Variants in EPB41L2 observed in about 807,000 individuals in gnomAD.
EPB41L2 encodes the protein erythrocyte membrane protein band 4.1 like 2.
Under a neutral mutation model 113.0 loss-of-function variants are expected in EPB41L2, and 43 were observed. The ratio of observed to expected loss-of-function variants is 0.38; its 90% CI spans 0.30 to 0.49. The LOEUF is 0.49. EPB41L2 is among the 20% of genes least tolerant of loss of function. The probability of loss-of-function intolerance (pLI) is 0.95; values close to 1 mark genes in which losing one functional copy is unlikely to be tolerated. For synonymous variants in EPB41L2, 442 were observed against 436.7 expected, an observed-to-expected ratio of 1.01 and a Z score of -0.15; for missense variants, 1,147 against 1,223.4, an observed-to-expected ratio of 0.94 and a Z score of 0.93.
intron 14 of EPB41L2, among the ~76,000 whole-genome samples, chr6:130,877,589 A>G (rs1787973330): frequency 6.6e-6 from 1 of 152,200 alleles, no homozygotes; most frequent in African/African-American, 2.4e-5. Flanking sequence ...ATTTCATTAT[A>G]AGGAAGTTTC....
chr6:130,957,455 G>C (rs1817810030), intron 1 of EPB41L2, among the ~76,000 whole-genome samples: 1 of 152,192 alleles, frequency 6.6e-6, no homozygotes, highest in Non-Finnish European at 1.5e-5. Flanking sequence ...AGTGCCCAGA[G>C]TCCTGGCACC....
At chr6:131,010,539 A>T (rs1201473213) in intron 1 of EPB41L2, among the ~76,000 whole-genome samples, 1 of 151,808 alleles carries the variant, frequency 6.6e-6, no homozygotes, top group South Asian at 2.1e-4. Context: ...CAGCCTCCCA[A>T]GTAGCTGGGA....
intron 4 of EPB41L2, among the ~76,000 whole-genome samples, chr6:130,921,524 G>A (rs548955813): frequency 2.0e-5 from 3 of 152,168 alleles, no homozygotes; most frequent in East Asian, 1.9e-4. Context: ...CCAGCCCTCC[G>A]GACAAACTTT....
At position 130,901,038 on chromosome 6, in the gene EPB41L2, G is replaced by A; in HGVS notation, c.1072C>T (p.Leu358Phe). 1 of 1,614,146 alleles carries A rather than the reference G, an allele frequency of 6.2e-7. No individual in the cohort carries two copies. Among genetic ancestry groups the A allele is most frequent in the South Asian group, 1.1e-5 (1 of 91,080 alleles). ...GTAGGGGCAAACTGGAATTCACTGA[G>A]GTCGATGCTGCCATGTTCTTCTGGG... ...YDPEEHGSID[L>F]SEFQFAPTQT... Residue 358 changes from leucine (L) to phenylalanine (F), a missense_variant, in exon 7 of 20, where the codon CTC becomes TTC. Physicochemically the swap from Leu to Phe is conservative, Grantham distance 22. Transcript: ENST00000337057.
chr6:130,966,758 T>C (rs1775312392), intron 1 of EPB41L2, among the ~76,000 whole-genome samples: 1 of 152,190 alleles, frequency 6.6e-6, no homozygotes, highest in South Asian at 2.1e-4. Context: ...GCCAGCTTCC[T>C]TGGAGACAAC....
chr6:130,897,797 A>C (rs1006446448), intron 8 of EPB41L2, among the ~76,000 whole-genome samples: 6 of 152,232 alleles, frequency 3.9e-5, no homozygotes, highest in African/African-American at 1.2e-4. Flanking sequence ...TATCAGGCAG[A>C]TAGACCATTT....
intron 1 of EPB41L2, among the ~76,000 whole-genome samples, chr6:130,988,831 G>A (rs758796037): frequency 6.6e-6 from 1 of 152,218 alleles, no homozygotes; most frequent in African/African-American, 2.4e-5. Flanking sequence ...ACTCATGCCT[G>A]TAATCCCAGC....
intron 1 of EPB41L2, among the ~76,000 whole-genome samples, chr6:131,018,824 A>C (rs1788824901): frequency 6.6e-6 from 1 of 152,152 alleles, no homozygotes; most frequent in Non-Finnish European, 1.5e-5. Flanking sequence ...CACTGCTCCT[A>C]TAGTGTAACA....
At chr6:130,853,361 A>C (rs545736230) in intron 19 of EPB41L2, among the ~76,000 whole-genome samples, 1 of 152,240 alleles carries the variant, frequency 6.6e-6, no homozygotes, top group African/African-American at 2.4e-5. Context: ...GACCACACAG[A>C]TCACACCACC....
At chr6:130,958,787 G>A (rs1818370091) in intron 1 of EPB41L2, among the ~76,000 whole-genome samples, 1 of 152,172 alleles carries the variant, frequency 6.6e-6, no homozygotes, top group African/African-American at 2.4e-5. Flanking sequence ...GAAGGCAGAA[G>A]CCAAAACATA....
rs112701459 is a variant in EPB41L2, at chr6:130,895,918, A to C, written c.1237-799T>G. Among the ~76,000 whole-genome samples the C allele has an allele frequency of 9.4e-3, 1,427 of 152,336 alleles. 9 individuals carry two copies. The highest frequency in any genetic ancestry group is 0.013 in the Non-Finnish European group (882 of 68,026). ...TCTCCTCACATTTCAAGTAGTGAAG[A>C]TCTAAGATGCATGTATTCAAAACAT... On this transcript the variant is annotated intron_variant, in intron 8 of 19. Coordinates refer to ENST00000337057, the MANE Select transcript of EPB41L2 (RefSeq NM_001431.4).
At chr6:130,913,688 G>T (rs1025699213) in intron 4 of EPB41L2, among the ~76,000 whole-genome samples, 8 of 151,102 alleles carry the variant, frequency 5.3e-5, no homozygotes, top group Non-Finnish European at 8.8e-5. Flanking sequence ...TGGTAAGTGG[G>T]GTATAGCATC....
intron 4 of EPB41L2, among the ~76,000 whole-genome samples, chr6:130,911,743 T>A (rs1352275419): frequency 6.6e-6 from 1 of 152,208 alleles, no homozygotes; most frequent in African/African-American, 2.4e-5. Context: ...AATTTAGATT[T>A]TTTTGTTTAT....
At chr6:130,903,741 C>A (rs1408426103) in intron 6 of EPB41L2, among the ~76,000 whole-genome samples, 1 of 152,068 alleles carries the variant, frequency 6.6e-6, no homozygotes, top group East Asian at 1.9e-4. Flanking sequence ...CCCTGGTACC[C>A]AGTGTAATCA....
chr6:130,924,928 G>A (rs997971161), intron 4 of EPB41L2, among the ~76,000 whole-genome samples: 6 of 152,174 alleles, frequency 3.9e-5, no homozygotes, highest in South Asian at 2.1e-4. Context: ...CTCTACCCTC[G>A]AGGAATTCAT....
At chr6:130,932,887 C>T (rs1184814297) in intron 3 of EPB41L2, among the ~76,000 whole-genome samples, 1 of 152,246 alleles carries the variant, frequency 6.6e-6, no homozygotes, top group Non-Finnish European at 1.5e-5. Flanking sequence ...GTTTCTTACA[C>T]AATCTTCCTT....
chr6:130,916,583 G>A (rs1042165889), intron 4 of EPB41L2, among the ~76,000 whole-genome samples: 4 of 152,150 alleles, frequency 2.6e-5, no homozygotes, highest in African/African-American at 9.7e-5. Flanking sequence ...ACACTTCTGG[G>A]ACCATGAACC....
chr6:131,006,667 C>CAAA (rs10709651), intron 1 of EPB41L2, among the ~76,000 whole-genome samples: 1 of 140,910 alleles, frequency 7.1e-6, no homozygotes, highest in African/African-American at 2.6e-5. Context: ...GACTCTATCT[C>CAAA]AAAAAAAAAA....
chr6:130,985,766 C>A lies in EPB41L2; in HGVS notation c.-14-29267G>T, dbSNP rs113334902. Among the ~76,000 whole-genome samples, 1,003 of 152,148 alleles carry A rather than the reference C, an allele frequency of 6.6e-3. 19 individuals carry two copies. The highest frequency in any genetic ancestry group is 0.023 in the African/African-American group (957 of 41,496). ...AGGGCTTTGAAGAACAGAAAAAGAA[C>A]CTTGGGCTAAAGAATATAGGTGAGA... On this transcript the variant is annotated intron_variant, in intron 1 of 19. Coordinates refer to ENST00000337057, the MANE Select transcript of EPB41L2 (RefSeq NM_001431.4).
Sources: allele counts gnomAD v4.1 joint callset (sites outside exome capture counted in the v4.1 genomes callset), GRCh38; gene constraint gnomAD v4.1.1; transcripts MANE v1.5; gene names NCBI Gene and HGNC (gene_info 2026-07-23, HGNC 2026-07-21).